Variants in EXOC6B observed in about 807,000 individuals in gnomAD.
EXOC6B encodes the protein exocyst complex component 6B.
EXOC6B carries 54 observed loss-of-function variants against 113.5 expected under a neutral mutation model. That is an observed-to-expected ratio of 0.48 (90% confidence interval 0.38 to 0.60). The LOEUF (loss-of-function observed/expected upper bound fraction) is 0.60. Among genes scored for constraint, EXOC6B ranks in the 20% least tolerant of loss-of-function variants. The pLI, the probability that EXOC6B is intolerant of heterozygous loss-of-function variation, is 0.00. For missense variants in EXOC6B, 797 were observed against 977.5 expected, an observed-to-expected ratio of 0.82 and a Z score of 2.46; for synonymous variants, 357 against 339.0, an observed-to-expected ratio of 1.05 and a Z score of -0.58.
At chr2:72,367,252 T>G (rs1690679896) in intron 19 of EXOC6B, among the ~76,000 whole-genome samples, 1 of 152,004 alleles carries the variant, frequency 6.6e-6, no homozygotes, top group Non-Finnish European at 1.5e-5. Flanking sequence ...AGATGTATAT[T>G]GTAAATCCAG....
At chr2:72,591,673 A>C (rs967043496) in intron 6 of EXOC6B, among the ~76,000 whole-genome samples, 3 of 152,154 alleles carry the variant, frequency 2.0e-5, no homozygotes, top group African/African-American at 4.8e-5. Context: ...GTTTCTCAAG[A>C]TATTAAAGGT....
chr2:72,375,924 T>C (rs776181508), intron 19 of EXOC6B, among the ~76,000 whole-genome samples: 1 of 152,204 alleles, frequency 6.6e-6, no homozygotes, highest in Non-Finnish European at 1.5e-5. Context: ...AGCCTCAGCG[T>C]AGCTGGACTT....
chr2:72,825,672 T>A lies in EXOC6B; in HGVS notation c.113+126A>T, dbSNP rs1686860387. The A allele has an allele frequency of 1.7e-6, 2 of 1,199,694 alleles. No individual in the cohort carries two copies. Among genetic ancestry groups the A allele is most frequent in the South Asian group, 3.8e-5 (2 of 53,278 alleles). The allele number at this position is 1,199,694 out of a possible 1,614,324, so 74.3% of individuals were successfully genotyped here. A position where few individuals can be genotyped will look rare whatever the true frequency, so the allele number is the denominator to read the frequency against. ...GAAGGGAGACCCGCCTCGCCCGGTA[T>A]GCAGGGTCTCTCCGAAGGGAGGGGC... On this transcript the variant is annotated intron_variant, in intron 1 of 21. Transcript: ENST00000272427. This position sits in a 1 kb window ranked among gnomAD's most constrained non-coding sequence, Gnocchi z 4.4.
chr2:72,825,971 C>A lies in EXOC6B; in HGVS notation c.-61G>T, dbSNP rs1047085127. On this transcript the variant is annotated 5_prime_UTR_variant, in exon 1 of 22. Transcript: ENST00000272427. This position sits in a 1 kb window ranked among gnomAD's most constrained non-coding sequence, Gnocchi z 4.4. ...GGCTCGGCTCACCTTTTCCCTGCCC[C>A]ACAATGCCGCTCCCACCACAGGCTC... 47 of 1,585,612 alleles carry A rather than the reference C, an allele frequency of 3.0e-5. No individual in the cohort carries two copies. The East Asian group carries it at 7.0e-4, about 24-fold the overall frequency.
chr2:72,626,050 A>G (rs551947059), intron 6 of EXOC6B, among the ~76,000 whole-genome samples: 1 of 152,108 alleles, frequency 6.6e-6, no homozygotes, highest in Non-Finnish European at 1.5e-5. Context: ...GACTATATAC[A>G]TAAGTCAAGC....
intron 18 of EXOC6B, among the ~76,000 whole-genome samples, chr2:72,391,264 G>A (rs186198758): frequency 6.6e-6 from 1 of 152,184 alleles, no homozygotes; most frequent in African/African-American, 2.4e-5. Flanking sequence ...CTACTATACT[G>A]TGGCCGGTAG....
intron 7 of EXOC6B, among the ~76,000 whole-genome samples, chr2:72,562,577 CCTT>C (rs1703945808): frequency 6.6e-6 from 1 of 152,124 alleles, no homozygotes; most frequent in Non-Finnish European, 1.5e-5. Context: ...AGCCATGACT[CCTT>C]CTTTATCAGC....
intron 20 of EXOC6B, among the ~76,000 whole-genome samples, chr2:72,270,402 C>T (rs554468430): frequency 6.6e-6 from 1 of 152,244 alleles, no homozygotes; most frequent in East Asian, 1.9e-4. Flanking sequence ...TCTCACTTCT[C>T]TCTATAATAG....
At chr2:72,181,132 C>T in intron 21 of EXOC6B, among the ~76,000 whole-genome samples, 1 of 148,240 alleles carries the variant, frequency 6.7e-6, no homozygotes, top group Non-Finnish European at 1.5e-5. Context: ...TGGTGTGAAC[C>T]CAGGAGGCGG....
chr2:72,343,039 G>A (rs1689125646), intron 19 of EXOC6B, among the ~76,000 whole-genome samples: 1 of 152,108 alleles, frequency 6.6e-6, no homozygotes, highest in Non-Finnish European at 1.5e-5. Flanking sequence ...ATACTATTAA[G>A]CCTAGTGTGG....
chr2:72,424,249 G>A lies in EXOC6B; in HGVS notation c.1980+40911C>T, dbSNP rs144501301. On this transcript the variant is annotated intron_variant, in intron 18 of 21. Transcript: ENST00000272427. The stretch of plus-strand genomic sequence containing the variant: ...GTAATTAACAGGTAGAGGTAGATAA[G>A]CTCCTTGACAGTTTTATTCTTTCCA... 4.6e-3 allele frequency among the ~76,000 whole-genome samples: 703 copies of A among 151,574 alleles called. 9 individuals carry two copies. Among genetic ancestry groups the A allele is most frequent in the Non-Finnish European group, 4.4e-3 (298 of 67,886 alleles).
In EXOC6B at chr2:72,626,881, G is replaced by A. The variant is rs146092753; in HGVS notation, c.670-51213C>T. Among the ~76,000 whole-genome samples the A allele has an allele frequency of 4.7e-3, 722 of 152,066 alleles. 4 individuals carry two copies. The highest frequency in any genetic ancestry group is 0.016 in the African/African-American group (665 of 41,470). ...AATATATATTCAGTCTTATGCTGTGGGCTAAAGATTGATCCCTGCTGCACA... is the reference window on the plus strand; with the variant it reads ...AATATATATTCAGTCTTATGCTGTGAGCTAAAGATTGATCCCTGCTGCACA... On this transcript the variant is annotated intron_variant, in intron 6 of 21. Transcript: ENST00000272427.
chr2:72,502,618 C>T (rs1456461680), intron 11 of EXOC6B, among the ~76,000 whole-genome samples: 3 of 152,022 alleles, frequency 2.0e-5, no homozygotes, highest in Non-Finnish European at 4.4e-5. Context: ...TTTAAAAATG[C>T]CTTTATTTTG....
intron 20 of EXOC6B, among the ~76,000 whole-genome samples, chr2:72,222,419 G>C (rs1416889376): frequency 6.6e-6 from 1 of 152,198 alleles, no homozygotes; most frequent in Non-Finnish European, 1.5e-5. Flanking sequence ...TATAGGCAGA[G>C]CCAAAGGCAA....
At chr2:72,753,208 C>A (rs1682174432) in intron 1 of EXOC6B, among the ~76,000 whole-genome samples, 1 of 150,868 alleles carries the variant, frequency 6.6e-6, no homozygotes, top group Admixed American at 6.6e-5. Flanking sequence ...GAGTTCAAAC[C>A]CAGCCCAGAT....
chr2:72,199,878 C>G (rs757501736), intron 20 of EXOC6B, among the ~76,000 whole-genome samples: 1 of 152,084 alleles, frequency 6.6e-6, no homozygotes, highest in African/African-American at 2.4e-5. Context: ...CATATTCTTT[C>G]GGCTTTTGGG....
intron 6 of EXOC6B, among the ~76,000 whole-genome samples, chr2:72,621,928 CA>C (rs1671771587): frequency 6.6e-6 from 1 of 151,322 alleles, no homozygotes; most frequent in South Asian, 2.1e-4. Context: ...CAGCATACTT[CA>C]AAAAAATGAG....
intron 5 of EXOC6B, among the ~76,000 whole-genome samples, chr2:72,729,471 T>C (rs911439634): frequency 6.7e-6 from 1 of 150,210 alleles, no homozygotes; most frequent in African/African-American, 2.5e-5. Flanking sequence ...AGCTCAGTGG[T>C]GCAATCTTGG....
At chr2:72,496,852 C>A (rs953551356) in intron 13 of EXOC6B, among the ~76,000 whole-genome samples, 10 of 151,672 alleles carry the variant, frequency 6.6e-5, no homozygotes, top group Non-Finnish European at 1.5e-4. Flanking sequence ...TAGGACAGAA[C>A]ATTTCAATGT....
Sources: allele counts gnomAD v4.1 joint callset (sites outside exome capture counted in the v4.1 genomes callset), GRCh38; gene constraint gnomAD v4.1.1; non-coding constraint Gnocchi (gnomAD v3.1); transcripts MANE v1.5; gene names NCBI Gene and HGNC (gene_info 2026-07-23, HGNC 2026-07-21).